The following SERHL2 variants were observed in gnomAD, a reference collection of about 807,000 sequenced individuals.
The protein encoded by SERHL2 is serine hydrolase-like protein 2.
A neutral mutation model predicts 25.5 loss-of-function variants in SERHL2; 29 were observed. The ratio of observed to expected loss-of-function variants is 1.14; its 90% CI spans 0.85 to 1.55. The LOEUF (loss-of-function observed/expected upper bound fraction) is 1.55. SERHL2 is among the 40% of genes most tolerant of loss of function. The pLI, the probability that SERHL2 is intolerant of heterozygous loss-of-function variation, is 0.00. For synonymous variants in SERHL2, 95 were observed against 103.5 expected (o/e 0.92, Z 0.50); for missense variants, 240 against 252.3 (o/e 0.95, Z 0.33).
At chr22:42,568,890 C>T (rs577331895) in intron 9 of SERHL2, among the ~76,000 whole-genome samples, 5 of 151,496 alleles carry the variant, frequency 3.3e-5, no homozygotes, top group South Asian at 2.1e-4. Flanking sequence ...CGCTTTAACT[C>T]GGGAGGCGGA....
At chr22:42,571,580 C>G in intron 10 of SERHL2, 1 of 560,468 alleles carries the variant, frequency 1.8e-6, no homozygotes, top group Non-Finnish European at 2.4e-6. Flanking sequence ...CGCCCGCCAC[C>G]AGGCCTGGCT....
At chr22:42,568,616 C>T (rs560157918) in intron 9 of SERHL2, among the ~76,000 whole-genome samples, 1 of 151,962 alleles carries the variant, frequency 6.6e-6, no homozygotes, top group Admixed American at 6.6e-5. Context: ...GCAGAAGATA[C>T]ACATTACAAA....
In SERHL2 at chr22:42,559,734, GA is replaced by G. The variant is rs568121812; in HGVS notation, c.534-443del. On this transcript the variant is annotated intron_variant, in intron 7 of 11. Coordinates refer to ENST00000327678, the MANE Select transcript of SERHL2 (RefSeq NM_014509.5). The stretch of plus-strand genomic sequence containing the variant: ...ACTCTGTCTCACAAAGAAAAAAAAA[GA>G]AAAAAAAATCACGAGACACATGCAC... Among the ~76,000 whole-genome samples, 261 of 150,418 alleles carry G rather than the reference GA, an allele frequency of 1.7e-3. 4 individuals carry two copies. The highest frequency in any genetic ancestry group is 3.4e-3 in the Middle Eastern group (1 of 292).
intron 7 of SERHL2, among the ~76,000 whole-genome samples, 177 bp from the exon 8 acceptor site, chr22:42,560,008 TA>T (rs1476198481): frequency 6.6e-6 from 1 of 151,838 alleles, no homozygotes; most frequent in Non-Finnish European, 1.5e-5. Context: ...GATGAGGTTT[TA>T]CCATGTTGGC....
chr22:42,561,326 C>T lies in SERHL2; in HGVS notation c.613+1061C>T, dbSNP rs1197392353. Among the ~76,000 whole-genome samples, 4 of 151,864 alleles carry T rather than the reference C, an allele frequency of 2.6e-5. No individual in the cohort carries two copies. In the East Asian group the frequency reaches 5.8e-4, roughly 22 times the overall value. ...TTCCTGACACTGCCAGCTCAGTGAT[C>T]TTGGGACAGTCCCTTCCCTTTTAGA... On this transcript the variant is annotated intron_variant, in intron 8 of 11. Coordinates refer to ENST00000327678, the MANE Select transcript of SERHL2 (RefSeq NM_014509.5).
At position 42,554,050 on chromosome 22, in the gene SERHL2, G is replaced by GT. The variant is rs1921919726; in HGVS notation, c.22+8_22+9insT. 6.2e-7 allele frequency: 1 copy of GT among 1,613,220 alleles called. No individual in the cohort carries two copies. The highest frequency in any genetic ancestry group is 1.1e-5 in the South Asian group (1 of 90,992). On this transcript the variant is annotated intron_variant, in intron 1 of 11. Transcript: ENST00000327678. ...GTGAGAACGCCGCACCAGGTCTGACGGGGAGGCCTTGTGCGAGCGTCCCAC... is the reference window on the plus strand; with the variant it reads ...GTGAGAACGCCGCACCAGGTCTGACGTGGGAGGCCTTGTGCGAGCGTCCCAC...
intron 10 of SERHL2, 31 bp from the exon 11 acceptor site, chr22:42,572,405 C>G: frequency 6.4e-7 from 1 of 1,552,444 alleles, no homozygotes; most frequent in South Asian, 1.1e-5. Context: ...CTAAGATGAA[C>G]CCCAACAACC....
intron 8 of SERHL2, among the ~76,000 whole-genome samples, chr22:42,562,499 T>G (rs1922812187): frequency 6.6e-6 from 1 of 151,742 alleles, no homozygotes; most frequent in African/African-American, 2.4e-5. Flanking sequence ...TGTGAGGTTC[T>G]CTGGGTGGGT....
chr22:42,563,377 A>G (rs1299085000), intron 8 of SERHL2: 2 of 414,520 alleles, frequency 4.8e-6, no homozygotes, highest in Non-Finnish European at 9.7e-6. Flanking sequence ...TAATTTTTGT[A>G]TTTTTTTGTA....
intron 9 of SERHL2, among the ~76,000 whole-genome samples, chr22:42,567,414 C>T (rs1287518714): frequency 1.3e-5 from 2 of 151,884 alleles, no homozygotes; most frequent in Non-Finnish European, 2.9e-5. Flanking sequence ...CCTGTAGTCC[C>T]AGCACTTTGG....
chr22:42,570,254 G>A lies in SERHL2; in HGVS notation c.649-867G>A, dbSNP rs11090110. 4.5e-3 allele frequency among the ~76,000 whole-genome samples: 688 copies of A among 151,974 alleles called. 8 individuals are homozygous for A. The highest frequency in any genetic ancestry group is 0.015 in the African/African-American group (637 of 41,514). ...CTGACCAACATGGTGAAACCCTGTC[G>A]CTACTAAAAATACAAAATTAGGCCT... On this transcript the variant is annotated intron_variant, in intron 9 of 11. Transcript: ENST00000327678.
chr22:42,567,939 A>T (rs970533394), intron 9 of SERHL2, among the ~76,000 whole-genome samples: 3 of 151,542 alleles, frequency 2.0e-5, no homozygotes, highest in Non-Finnish European at 4.4e-5. Flanking sequence ...CATGTTGTCC[A>T]GGCTGGTCTC....
intron 9 of SERHL2, among the ~76,000 whole-genome samples, chr22:42,567,605 A>C (rs1923573173): frequency 6.6e-6 from 1 of 151,614 alleles, no homozygotes; most frequent in South Asian, 2.1e-4. Context: ...CAGAGCTTGC[A>C]GTGAGCCGAG....
chr22:42,563,344 C>G lies in SERHL2; in HGVS notation c.614-2960C>G, dbSNP rs185324773. The G allele has an allele frequency of 1.1e-5, 4 of 363,182 alleles. No individual in the cohort carries two copies. The Admixed American group carries it at 1.2e-4, about 11-fold the overall frequency. The allele number at this position is 363,182 out of a possible 1,614,324, so 22.5% of individuals were successfully genotyped here. A position where few individuals can be genotyped will look rare whatever the true frequency, so the allele number is the denominator to read the frequency against. On this transcript the variant is annotated intron_variant, in intron 8 of 11. Transcript: ENST00000327678. ...TCAGCCTCTTGAGTAGCTGGGACCA[C>G]AAGTGTGCAGACCACACCTGGCTAA...
In SERHL2 at chr22:42,574,269, C is replaced by T; in HGVS notation, c.*214C>T. 1.0e-5 allele frequency: 6 copies of T among 572,808 alleles called. No homozygotes were observed. The highest frequency in any genetic ancestry group is 6.6e-5 in the South Asian group (3 of 45,432). 35.5% of individuals were successfully genotyped at this position (572,808 alleles called of 1,614,324 possible). On this transcript the variant is annotated 3_prime_UTR_variant, in exon 12 of 12. Transcript: ENST00000327678. ...AGAGTCTGGGTTCCAGGGCTGCTTT[C>T]TCCTGGCTAATAATAAATATCCAGC... is the stretch of plus-strand genomic sequence containing the variant.
rs113986580 is a variant in SERHL2, at chr22:42,573,568, C to A, written c.826-368C>A. On this transcript the variant is annotated intron_variant, in intron 11 of 11. Transcript: ENST00000327678. The stretch of plus-strand genomic sequence containing the variant: ...AGCCACTGCGCCCGGCCCTGTCTGG[C>A]TTCTTGAAGGCAGACACAAGTCTGC... The A allele has an allele frequency of 7.5e-3, 1,728 of 229,574 alleles. 30 individuals carry two copies. The highest frequency in any genetic ancestry group is 0.038 in the African/African-American group (1,665 of 43,260). The allele number at this position is 229,574 out of a possible 1,614,324, so 14.2% of individuals were successfully genotyped here. A position where few individuals can be genotyped will look rare whatever the true frequency, so the allele number is the denominator to read the frequency against.
intron 7 of SERHL2, 64 bp from the exon 8 acceptor site, chr22:42,560,122 C>G: frequency 7.7e-7 from 1 of 1,290,340 alleles, no homozygotes; most frequent in South Asian, 1.2e-5. Context: ...GCCCTCCTCT[C>G]CTTTTTATCT....
At chr22:42,560,803 A>G (rs1232197268) in intron 8 of SERHL2, among the ~76,000 whole-genome samples, 1 of 151,852 alleles carries the variant, frequency 6.6e-6, no homozygotes, top group Non-Finnish European at 1.5e-5. Context: ...TGGCACCATC[A>G]TGGCTCACTG....
At chr22:42,556,450 G>A (rs1430359550) in intron 5 of SERHL2, 64 bp from the exon 6 acceptor site, 1 of 1,607,508 alleles carries the variant, frequency 6.2e-7, no homozygotes, top group Non-Finnish European at 8.5e-7. Context: ...GGGTCCCCAG[G>A]GAAAGGCGGG....
Sources: gnomAD v4.1 joint callset for allele counts (sites outside exome capture counted in the v4.1 genomes callset) on GRCh38, gnomAD v4.1.1 for gene constraint, MANE v1.5 for transcripts, NCBI Gene and HGNC (gene_info 2026-07-23, HGNC 2026-07-21) for gene names.